Variants in MPRIP observed in about 807,000 individuals in gnomAD.
MPRIP encodes myosin phosphatase Rho interacting protein, also known as myosin phosphatase Rho-interacting protein.
In MPRIP, 59 loss-of-function variants were observed where a neutral mutation model predicts 234.9. That is an observed-to-expected ratio of 0.25 (90% CI 0.20 to 0.31). The LOEUF (loss-of-function observed/expected upper bound fraction) is 0.31, where lower values mean the gene tolerates loss of function less well. MPRIP is among the 10% of genes least tolerant of loss of function. The pLI is 1.00. For missense variants in MPRIP, 2,436 were observed against 3,071.0 expected (o/e 0.79, Z 4.89); for synonymous variants, 1,144 against 1,263.9 (o/e 0.91, Z 2.01).
intron 3 of MPRIP, among the ~76,000 whole-genome samples, chr17:17,094,260 G>C (rs970675482): frequency 2.0e-5 from 3 of 152,224 alleles, no homozygotes; most frequent in Admixed American, 6.5e-5. Context: ...TTGACCAGGA[G>C]CTGGACTGGC....
chr17:17,081,682 T>G (rs180705110), intron 3 of MPRIP, among the ~76,000 whole-genome samples: 3 of 152,312 alleles, frequency 2.0e-5, no homozygotes, highest in African/African-American at 7.2e-5. Flanking sequence ...GGGAAGCCCT[T>G]TCTGCTCGGG....
chr17:17,087,962 A>T (rs2089629625), intron 3 of MPRIP, among the ~76,000 whole-genome samples: 1 of 152,174 alleles, frequency 6.6e-6, no homozygotes, highest in African/African-American at 2.4e-5. Flanking sequence ...AGGACACAAA[A>T]TGGGAATTAG....
At chr17:17,057,845 T>TG in intron 1 of MPRIP, 1 of 603,614 alleles carries the variant, frequency 1.7e-6, no homozygotes, top group Non-Finnish European at 3.0e-6. Flanking sequence ...CTCTAATACT[T>TG]GCAGTAATAT....
rs748864294 is a variant in MPRIP, at chr17:17,161,284, C to A, written c.2445C>A (p.Asn815Lys). 2.2e-5 allele frequency: 35 copies of A among 1,600,892 alleles called. No individual in the cohort carries two copies. Among genetic ancestry groups the A allele is most frequent in the Non-Finnish European group, 3.0e-5 (35 of 1,171,912 alleles). ...AGGCCTCAGACCTTCTGGAGCAGAA[C>A]CGGCTCCTGCAGGACCAGCTGAGGG... is the stretch of plus-strand genomic sequence containing the variant. ...QKEASDLLEQ[N>K]RLLQDQLRVA... is the part of the protein sequence containing the mutation. The change falls in exon 15 of 24, where the codon AAC (asparagine) becomes AAA (lysine). Residue 815 changes from asparagine to lysine, a missense_variant. Physicochemically the swap from Asn to Lys is moderately conservative, Grantham distance 94 (BLOSUM62 0). Transcript: ENST00000651222.
chr17:17,102,956 A>C (rs954379932), intron 3 of MPRIP, among the ~76,000 whole-genome samples: 10 of 152,204 alleles, frequency 6.6e-5, no homozygotes, highest in African/African-American at 2.4e-4. Context: ...TCTGTCTGGC[A>C]TGGGCTCCAA....
intron 1 of MPRIP, among the ~76,000 whole-genome samples, chr17:17,072,134 G>A (rs758810360): frequency 6.6e-6 from 1 of 152,220 alleles, no homozygotes; most frequent in African/African-American, 2.4e-5. Flanking sequence ...TCTGCCCGTG[G>A]GCATTGCTGC....
At chr17:17,081,308 C>T (rs1193088041) in intron 3 of MPRIP, among the ~76,000 whole-genome samples, 2 of 152,118 alleles carry the variant, frequency 1.3e-5, no homozygotes, top group Admixed American at 6.5e-5. Flanking sequence ...GGGGTTTGGG[C>T]GGCACAAATC....
intron 3 of MPRIP, among the ~76,000 whole-genome samples, chr17:17,110,051 T>A (rs961906646): frequency 6.6e-6 from 1 of 152,030 alleles, no homozygotes; most frequent in Non-Finnish European, 1.5e-5. Flanking sequence ...TGAGGGCAGA[T>A]CCCTCATGAG....
intron 3 of MPRIP, among the ~76,000 whole-genome samples, chr17:17,098,089 T>C (rs1296559879): frequency 2.0e-5 from 3 of 152,148 alleles, no homozygotes; most frequent in Non-Finnish European, 4.4e-5. Flanking sequence ...AAGAGTGGGC[T>C]GCTGGGGGTG....
rs117172883 is a variant in MPRIP at position 17,186,914 on chromosome 17, G to T, written c.*2020G>T. ...GCTCCAGGACAGACAGGGACCTGGA[G>T]TGCATCAGGATCTGACCAGATAGGA... On this transcript the variant is annotated 3_prime_UTR_variant, in exon 24 of 24. Coordinates refer to ENST00000651222, the MANE Select transcript of MPRIP (RefSeq NM_001364716.4). 1 of 152,266 alleles carries T rather than the reference G, an allele frequency of 6.6e-6. No homozygotes were observed. The highest frequency in any genetic ancestry group is 1.5e-5 in the Non-Finnish European group (1 of 68,060). The allele number at this position is 152,266 out of a possible 1,614,324, so 9.4% of individuals were successfully genotyped here.
In MPRIP at chr17:17,164,456, C is replaced by G; in HGVS notation, c.2865C>G (p.Ser955Arg). The change falls in exon 16 of 24, where the codon AGC becomes AGG. Residue 955 changes from serine (S) to arginine (R), a missense_variant. This residue lies in a region of MPRIP where 1,998 missense variants were observed against 2,520.3 expected (regional missense o/e 0.79). Transcript: ENST00000651222. Reference sequence around the variant, plus strand: ...CGCTGAGCAGCCAGCTGAGGGCTAGCGAGCAGAAGCTCAAGAGTGCTGAGG... The same window carrying G: ...CGCTGAGCAGCCAGCTGAGGGCTAGGGAGCAGAAGCTCAAGAGTGCTGAGG... ...EAALSSQLRA[S>R]EQKLKSAEAL... is the part of the protein sequence containing the mutation. 1.6e-6 allele frequency: 2 copies of G among 1,240,504 alleles called. No homozygotes were observed. Among genetic ancestry groups the G allele is most frequent in the South Asian group, 2.8e-5 (2 of 71,398 alleles). The allele number at this position is 1,240,504 out of a possible 1,614,324, so 76.8% of individuals were successfully genotyped here. A position where few individuals can be genotyped will look rare whatever the true frequency, so the allele number is the denominator to read the frequency against.
At chr17:17,077,285 C>T (rs2089354421) in intron 2 of MPRIP, 1 of 152,262 alleles carries the variant, frequency 6.6e-6, no homozygotes, top group African/African-American at 2.4e-5. Flanking sequence ...TCTCCCCACA[C>T]AAAGGAAGAC....
At chr17:17,157,838 A>C (rs539800813) in intron 13 of MPRIP, among the ~76,000 whole-genome samples, 20 of 152,178 alleles carry the variant, frequency 1.3e-4, no homozygotes, top group South Asian at 4.1e-4. Flanking sequence ...CAAAAAAAAA[A>C]AAAACAAAAC....
At chr17:17,096,714 T>C (rs760126537) in intron 3 of MPRIP, 1 of 470,606 alleles carries the variant, frequency 2.1e-6, no homozygotes, top group Non-Finnish European at 4.4e-6. Flanking sequence ...GGCTCAGCCC[T>C]GTCCTTACCC....
intron 2 of MPRIP, 127 bp from the exon 3 acceptor site, chr17:17,077,884 C>T (rs1362376684): frequency 6.8e-6 from 6 of 885,740 alleles, no homozygotes; most frequent in African/African-American, 1.6e-5. Context: ...TGCCACCTGC[C>T]CCAGAAGTGG....
At chr17:17,069,590 A>G (rs1421179813) in intron 1 of MPRIP, among the ~76,000 whole-genome samples, 1 of 146,162 alleles carries the variant, frequency 6.8e-6, no homozygotes, top group Non-Finnish European at 1.5e-5. Context: ...CTTTGTATAT[A>G]TTTTTTACTG....
chr17:17,050,789 A>C (rs7222311), intron 1 of MPRIP, among the ~76,000 whole-genome samples: 1 of 152,216 alleles, frequency 6.6e-6, no homozygotes, highest in Non-Finnish European at 1.5e-5. Context: ...GAAGGGAGGA[A>C]GGTCCTTGCC....
intron 17 of MPRIP, 59 bp from the exon 18 acceptor site, chr17:17,172,638 CA>C: frequency 7.2e-7 from 1 of 1,389,062 alleles, no homozygotes; most frequent in Admixed American, 1.8e-5. Flanking sequence ...TCCCCACCCC[CA>C]CCCCTGTCAG....
intron 15 of MPRIP, among the ~76,000 whole-genome samples, chr17:17,162,200 C>G (rs1409100339): frequency 6.6e-6 from 1 of 152,198 alleles, no homozygotes; most frequent in Non-Finnish European, 1.5e-5. Flanking sequence ...AAGACTTGGC[C>G]CTGCTACTGA....
Sources: allele counts gnomAD v4.1 joint callset (sites outside exome capture counted in the v4.1 genomes callset), GRCh38; gene constraint gnomAD v4.1.1; regional missense constraint gnomAD v4.1.1; transcripts MANE v1.5; gene names NCBI Gene and HGNC (gene_info 2026-07-23, HGNC 2026-07-21).